Variants in LCE2B observed in about 807,000 individuals in gnomAD.
LCE2B encodes late cornified envelope protein 2B.
For missense variants in LCE2B, 175 were observed against 141.6 expected, an observed-to-expected ratio of 1.24 and a Z score of -1.20; for synonymous variants, 69 against 52.0, an observed-to-expected ratio of 1.33 and a Z score of -1.40.
At chr1:152,686,744 T>C (rs1219454458) in intron 1 of LCE2B, 80 bp from the exon 2 acceptor site, 1 of 1,473,108 alleles carries the variant, frequency 6.8e-7, no homozygotes, top group Admixed American at 2.0e-5. Context: ...ATTCTTCTTC[T>C]ACACATGCAT....
rs374303049 is a variant in LCE2B, at chr1:152,687,361, T to C, written c.*185T>C. The C allele has an allele frequency of 3.9e-6, 3 of 763,720 alleles. No individual in the cohort carries two copies. In the African/African-American group the frequency reaches 5.3e-5, roughly 13 times the overall value. 47.3% of individuals were successfully genotyped at this position (763,720 alleles called of 1,614,324 possible). On this transcript the variant is annotated 3_prime_UTR_variant, in exon 2 of 2. Transcript: ENST00000368780. ...AATTGCAGGTTTTGTTTTCCTCCTTTACCTCATGTTATAATAAAGCTCTGA... is the reference window on the plus strand; with the variant it reads ...AATTGCAGGTTTTGTTTTCCTCCTTCACCTCATGTTATAATAAAGCTCTGA...
chr1:152,687,079 G>C lies in LCE2B; in HGVS notation c.236G>C (p.Arg79Pro), dbSNP rs767189385. The C allele has an allele frequency of 3.1e-6, 5 of 1,613,506 alleles. No homozygotes were observed. In the African/African-American group the frequency reaches 4.0e-5, roughly 13 times the overall value. Residue 79 changes from arginine to proline, a missense_variant, in exon 2 of 2, where the codon CGT becomes CCT. Arg to Pro is a moderately radical substitution (Grantham distance 103). Coordinates refer to ENST00000368780, the MANE Select transcript of LCE2B (RefSeq NM_014357.5). ...TGCTGCCTGAGCCACCACAGGCCCC[G>C]TCTCTTCCACCGGCGCCGGCACCAG... ...GGCCLSHHRP[R>P]LFHRRRHQSP...
Position 152,686,984 on chromosome 1 carries a change from C to A in LCE2B, c.141C>A (p.Cys47Ter). The A allele has an allele frequency of 6.2e-7, 1 of 1,612,958 alleles. No individual in the cohort carries two copies. The highest frequency in any genetic ancestry group is 8.5e-7 in the Non-Finnish European group (1 of 1,179,426). The change falls in exon 2 of 2, where the codon TGC becomes TGA. Residue 47 changes from cysteine (C) to a stop codon, truncating the protein, a stop_gained. Coordinates refer to ENST00000368780, the MANE Select transcript of LCE2B (RefSeq NM_014357.5). LOFTEE classifies it low-confidence loss of function (END_TRUNC). ...PAPCSPAVSS[C>*]CGPISGGCCG... ...CATGTTCCCCTGCAGTCTCTTCTTGCTGTGGTCCCATCTCTGGGGGCTGCT... is the reference window on the plus strand; with the variant it reads ...CATGTTCCCCTGCAGTCTCTTCTTGATGTGGTCCCATCTCTGGGGGCTGCT...
intron 1 of LCE2B, among the ~76,000 whole-genome samples, chr1:152,686,452 C>T (rs1268070645): frequency 2.0e-5 from 3 of 151,148 alleles, no homozygotes; most frequent in African/African-American, 7.4e-5. Context: ...TCAAGCCAGG[C>T]TCTTTTATCT....
In LCE2B at chr1:152,686,896, C is replaced by T. The variant is rs779881467; in HGVS notation, c.53C>T (p.Pro18Leu). ...TGCCAGCCCCCTCCCAAGTGTCCTC[C>T]CAAGTGTACCCCAAAATGTCCACCT... is the stretch of plus-strand genomic sequence containing the variant. ...QQCQPPPKCP[P>L]KCTPKCPPKC... Residue 18 changes from proline to leucine, a missense_variant, in exon 2 of 2, where the codon CCC becomes CTC. Pro to Leu is a moderately conservative substitution (Grantham distance 98, BLOSUM62 -3). Coordinates refer to ENST00000368780, the MANE Select transcript of LCE2B (RefSeq NM_014357.5). 1.2e-6 allele frequency: 2 copies of T among 1,614,174 alleles called. No individual in the cohort carries two copies. Among genetic ancestry groups the T allele is most frequent in the East Asian group, 2.2e-5 (1 of 44,876 alleles).
At position 152,686,823 on chromosome 1, in the gene LCE2B, G is replaced by C; in HGVS notation, c.-20-1G>C. The C allele has an allele frequency of 6.2e-7, 1 of 1,613,636 alleles. No individual in the cohort carries two copies. Among genetic ancestry groups the C allele is most frequent in the East Asian group, 2.2e-5 (1 of 44,880 alleles). ...TAAAGAGTTTCATTATTATCTTTCA[G>C]GTTGACTAAACTCTGCCAGGATGTC... On this transcript the variant is annotated splice_acceptor_variant, in intron 1 of 1. Coordinates refer to ENST00000368780, the MANE Select transcript of LCE2B (RefSeq NM_014357.5). LOFTEE classifies it low-confidence loss of function (5UTR_SPLICE).
intron 1 of LCE2B, 62 bp from the exon 2 acceptor site, chr1:152,686,762 A>G (rs1390068410): frequency 6.5e-7 from 1 of 1,537,716 alleles, no homozygotes; most frequent in East Asian, 2.2e-5. Flanking sequence ...CATTGATTTT[A>G]GAAGAGGTAT....
chr1:152,686,716 C>T (rs566690838), intron 1 of LCE2B, 108 bp from the exon 2 acceptor site: 268 of 1,395,618 alleles, frequency 1.9e-4, no homozygotes, highest in Middle Eastern at 1.0e-3. Context: ...ACTGATGTGA[C>T]TGTATGATCT....
chr1:152,687,201 A>G lies in LCE2B; in HGVS notation c.*25A>G, dbSNP rs769590801. On this transcript the variant is annotated 3_prime_UTR_variant, in exon 2 of 2. Transcript: ENST00000368780. ...ACCTGGGCTAAGAAGAACTCTTTGG[A>G]CAGAATGTTTAAGAACCTCCTACAG... is the stretch of plus-strand genomic sequence containing the variant. 1.9e-6 allele frequency: 3 copies of G among 1,599,526 alleles called. No homozygotes were observed.
Position 152,687,120 on chromosome 1 carries a change from G to A in LCE2B, c.277G>A (p.Glu93Lys), listed in dbSNP as rs773323975. The change falls in exon 2 of 2, where the codon GAG becomes AAG. Residue 93 changes from glutamate (E) to lysine (K), a missense_variant. Coordinates refer to ENST00000368780, the MANE Select transcript of LCE2B (RefSeq NM_014357.5). ...CCGGCACCAGAGCCCCGACTGCTGTGAGAGTGAACCTTCTGGGGGCTCTGG... is the reference window on the plus strand; with the variant it reads ...CCGGCACCAGAGCCCCGACTGCTGTAAGAGTGAACCTTCTGGGGGCTCTGG... The part of the protein sequence containing the change: ...RRRHQSPDCC[E>K]SEPSGGSGCC... 1.5e-5 allele frequency: 24 copies of A among 1,613,652 alleles called. No individual in the cohort carries two copies. The highest frequency in any genetic ancestry group is 3.3e-4 in the Middle Eastern group (2 of 6,076).
Position 152,687,238 on chromosome 1 carries a change from A to C in LCE2B, c.*62A>C. ...AGAACCTCCTACAGCCTGATGCTTA[A>C]CCCTTTCCATTTCCTCTCATTCCAT... On this transcript the variant is annotated 3_prime_UTR_variant, in exon 2 of 2. Transcript: ENST00000368780. 2 of 1,540,476 alleles carry C rather than the reference A, an allele frequency of 1.3e-6. No individual in the cohort carries two copies. Among genetic ancestry groups the C allele is most frequent in the Admixed American group, 2.1e-5 (1 of 48,056 alleles).
chr1:152,686,397 A>C (rs2101511893), intron 1 of LCE2B, among the ~76,000 whole-genome samples: 1 of 152,184 alleles, frequency 6.6e-6, no homozygotes, highest in East Asian at 1.9e-4. Flanking sequence ...TAACTTCAAA[A>C]CTGCTGTGTT....
chr1:152,686,333 G>T (rs542298224), intron 1 of LCE2B, among the ~76,000 whole-genome samples, 177 bp downstream of exon 1: 2 of 152,256 alleles, frequency 1.3e-5, no homozygotes, highest in African/African-American at 4.8e-5. Flanking sequence ...TATAGGTGGG[G>T]AAAGCTAACT....
intron 1 of LCE2B, 81 bp from the exon 2 acceptor site, chr1:152,686,743 C>G (rs1649145617): frequency 6.8e-7 from 1 of 1,469,852 alleles, no homozygotes; most frequent in Non-Finnish European, 9.3e-7. Flanking sequence ...CATTCTTCTT[C>G]TACACATGCA....
chr1:152,687,105 A>T lies in LCE2B; in HGVS notation c.262A>T (p.Ser88Cys). 3 of 1,613,374 alleles carry T rather than the reference A, an allele frequency of 1.9e-6. No homozygotes were observed. Among genetic ancestry groups the T allele is most frequent in the Non-Finnish European group, 1.7e-6 (2 of 1,179,854 alleles). Residue 88 changes from serine (S) to cysteine (C), a missense_variant, in exon 2 of 2, where the codon AGC becomes TGC. Physicochemically the swap from Ser to Cys is moderately radical, Grantham distance 112 (BLOSUM62 -1). Transcript: ENST00000368780. Reference protein sequence around the residue: ...PRLFHRRRHQSPDCCESEPSG... With the variant: ...PRLFHRRRHQCPDCCESEPSG... Reference sequence around the variant, plus strand: ...TCTCTTCCACCGGCGCCGGCACCAGAGCCCCGACTGCTGTGAGAGTGAACC... The same window carrying T: ...TCTCTTCCACCGGCGCCGGCACCAGTGCCCCGACTGCTGTGAGAGTGAACC...
In LCE2B at chr1:152,687,228, C is replaced by G; in HGVS notation, c.*52C>G. ...AGAATGTTTAAGAACCTCCTACAGC[C>G]TGATGCTTAACCCTTTCCATTTCCT... On this transcript the variant is annotated 3_prime_UTR_variant, in exon 2 of 2. Transcript: ENST00000368780. The G allele has an allele frequency of 6.4e-7, 1 of 1,566,530 alleles. No homozygotes were observed. Among genetic ancestry groups the G allele is most frequent in the Admixed American group, 1.9e-5 (1 of 53,444 alleles).
intron 1 of LCE2B, 100 bp from the exon 2 acceptor site, chr1:152,686,724 T>C (rs1211692831): frequency 2.9e-6 from 4 of 1,401,028 alleles, no homozygotes; most frequent in East Asian, 4.6e-5. Context: ...GACTGTATGA[T>C]CTAAATATCA....
In LCE2B at chr1:152,687,077, C is replaced by T. The variant is rs1351925709; in HGVS notation, c.234C>T (p.Pro78=). ...AGGCCLSHHR[P]RLFHRRRHQS... is the part of the protein sequence containing the mutation. ...GCTGCTGCCTGAGCCACCACAGGCC[C>T]CGTCTCTTCCACCGGCGCCGGCACC... The change falls in exon 2 of 2, where the codon CCC becomes CCT. Residue 78 remains proline, a synonymous_variant. Coordinates refer to ENST00000368780, the MANE Select transcript of LCE2B (RefSeq NM_014357.5). 1.2e-6 allele frequency: 2 copies of T among 1,613,648 alleles called. No individual in the cohort carries two copies. The highest frequency in any genetic ancestry group is 1.7e-6 in the Non-Finnish European group (2 of 1,179,968).
In LCE2B at chr1:152,687,309, A is replaced by T. The variant is rs115230870; in HGVS notation, c.*133A>T. ...CAAAGACTCATGGGGCTTCCCTGGGAGAACTTTGCACTTGATGGAGCACCT... is the reference window on the plus strand; with the variant it reads ...CAAAGACTCATGGGGCTTCCCTGGGTGAACTTTGCACTTGATGGAGCACCT... On this transcript the variant is annotated 3_prime_UTR_variant, in exon 2 of 2. Coordinates refer to ENST00000368780, the MANE Select transcript of LCE2B (RefSeq NM_014357.5). 460 of 1,332,178 alleles carry T rather than the reference A, an allele frequency of 3.5e-4. 1 individual carries two copies. The African/African-American group carries it at 6.1e-3, about 18-fold the overall frequency. The allele number at this position is 1,332,178 out of a possible 1,614,324, so 82.5% of individuals were successfully genotyped here.
Sources: gnomAD v4.1 joint callset for allele counts (sites outside exome capture counted in the v4.1 genomes callset) on GRCh38, gnomAD v4.1.1 for gene constraint, MANE v1.5 for transcripts, NCBI Gene and HGNC (gene_info 2026-07-23, HGNC 2026-07-21) for gene names.